CADM2: variants seen among roughly 807,000 people sequenced by gnomAD.
CADM2 encodes cell adhesion molecule 2, also known as immunoglobulin superfamily member 4D.
A neutral mutation model predicts 49.8 loss-of-function variants in CADM2; 12 were observed. That is an observed-to-expected ratio of 0.24 (90% CI 0.15 to 0.39). CADM2 has a LOEUF of 0.39. CADM2 is among the 10% of genes least tolerant of loss of function. The probability of loss-of-function intolerance (pLI) is 1.00; values close to 1 mark genes in which losing one functional copy is unlikely to be tolerated. For missense variants in CADM2, 378 were observed against 492.3 expected (o/e 0.77, Z 2.20); for synonymous variants, 214 against 175.4 (o/e 1.22, Z -1.74).
intron 1 of CADM2, among the ~76,000 whole-genome samples, chr3:85,480,137 T>C (rs1174062931): frequency 6.6e-6 from 1 of 151,808 alleles, no homozygotes; most frequent in East Asian, 1.9e-4. Context: ...CAGAGATAAA[T>C]AGGGAGATAT....
chr3:85,186,736 A>G (rs1165248393), intron 1 of CADM2, among the ~76,000 whole-genome samples: 1 of 152,014 alleles, frequency 6.6e-6, no homozygotes, highest in Non-Finnish European at 1.5e-5. Context: ...GGTTACCATG[A>G]GCCCAGAGGG....
chr3:85,647,687 A>G (rs995609890), intron 1 of CADM2, among the ~76,000 whole-genome samples: 1 of 151,846 alleles, frequency 6.6e-6, no homozygotes, highest in Non-Finnish European at 1.5e-5. Context: ...AAGACAAAAA[A>G]TATTTTAGAT....
At chr3:85,260,350 C>A (rs879306468) in intron 1 of CADM2, among the ~76,000 whole-genome samples, 5 of 152,050 alleles carry the variant, frequency 3.3e-5, no homozygotes, top group Non-Finnish European at 5.9e-5. Context: ...TTTATGACAC[C>A]ATCTTTGTCT....
At chr3:85,473,374 CT>C (rs1242654832) in intron 1 of CADM2, among the ~76,000 whole-genome samples, 1 of 151,976 alleles carries the variant, frequency 6.6e-6, no homozygotes, top group Non-Finnish European at 1.5e-5. Context: ...CTGTGTTTTG[CT>C]TGTAGATGAG....
At chr3:85,869,886 C>G (rs1458697099) in intron 3 of CADM2, among the ~76,000 whole-genome samples, 1 of 152,110 alleles carries the variant, frequency 6.6e-6, no homozygotes, top group East Asian at 1.9e-4. Context: ...CGGTATTGAT[C>G]TCCTGACCTC....
intron 1 of CADM2, among the ~76,000 whole-genome samples, chr3:85,278,300 C>A (rs2043409711): frequency 6.6e-6 from 1 of 151,314 alleles, no homozygotes; most frequent in African/African-American, 2.4e-5. Flanking sequence ...TCTCCCATTC[C>A]CAGTCCCACC....
At chr3:85,578,510 C>A (rs1465290400) in intron 1 of CADM2, among the ~76,000 whole-genome samples, 3 of 152,216 alleles carry the variant, frequency 2.0e-5, no homozygotes, top group Admixed American at 6.5e-5. Context: ...CTTTAGAGTT[C>A]TTTTGTTTAA....
At chr3:85,449,836 G>C (rs1295832388) in intron 1 of CADM2, among the ~76,000 whole-genome samples, 1 of 152,104 alleles carries the variant, frequency 6.6e-6, no homozygotes, top group Non-Finnish European at 1.5e-5. Context: ...GATGCCCATG[G>C]TCTCTCAGTG....
intron 1 of CADM2, among the ~76,000 whole-genome samples, chr3:85,309,534 G>A (rs1320099477): frequency 6.6e-6 from 1 of 152,112 alleles, no homozygotes; most frequent in Non-Finnish European, 1.5e-5. Context: ...ATTAGCACAG[G>A]ACCTGGAACA....
intron 1 of CADM2, among the ~76,000 whole-genome samples, chr3:85,475,818 C>T (rs572342569): frequency 6.6e-6 from 1 of 151,938 alleles, no homozygotes; most frequent in East Asian, 1.9e-4. Context: ...GGCACTGTTC[C>T]TAGATGTTTT....
chr3:85,283,317 A>G (rs547920653), intron 1 of CADM2, among the ~76,000 whole-genome samples: 1 of 151,870 alleles, frequency 6.6e-6, no homozygotes, highest in South Asian at 2.1e-4. Context: ...AGAAAGTTAA[A>G]ATATTGCCCT....
At chr3:85,295,370 A>G (rs1046165274) in intron 1 of CADM2, among the ~76,000 whole-genome samples, 3 of 152,070 alleles carry the variant, frequency 2.0e-5, no homozygotes, top group African/African-American at 7.2e-5. Context: ...AACCATTGTG[A>G]AAGTCAGTGT....
At position 85,487,581 on chromosome 3, in the gene CADM2, TGGA is replaced by T. The variant is rs1238714946; in HGVS notation, c.62-238933_62-238931del. ...GAGGAGGAATAGGAGGAGGAGGAAGTGGAGGAGGAGAAGGAGGAAGTGGAGGAG... is the reference window on the plus strand; with the variant it reads ...GAGGAGGAATAGGAGGAGGAGGAAGTGGAGGAGAAGGAGGAAGTGGAGGAG... On this transcript the variant is annotated intron_variant, in intron 1 of 9. Transcript: ENST00000383699. Among the ~76,000 whole-genome samples, 3 of 73,322 alleles carry T rather than the reference TGGA, an allele frequency of 4.1e-5. No individual in the cohort carries two copies. The Admixed American group carries it at 4.1e-4, about 10-fold the overall frequency. The allele number at this position is 73,322 out of a possible 152,430, so 48.1% of individuals were successfully genotyped here.
At chr3:85,435,904 T>C (rs920427898) in intron 1 of CADM2, among the ~76,000 whole-genome samples, 1 of 152,122 alleles carries the variant, frequency 6.6e-6, no homozygotes, top group East Asian at 1.9e-4. Context: ...TTAAGTTCCT[T>C]GTAGATTCTG....
At chr3:85,615,055 T>A (rs1056207370) in intron 1 of CADM2, among the ~76,000 whole-genome samples, 1 of 152,018 alleles carries the variant, frequency 6.6e-6, no homozygotes, top group African/African-American at 2.4e-5. Context: ...TAAAACTGAA[T>A]GTGCATGTGT....
chr3:85,911,518 T>C (rs1307781961), intron 5 of CADM2, among the ~76,000 whole-genome samples: 1 of 152,210 alleles, frequency 6.6e-6, no homozygotes, highest in Non-Finnish European at 1.5e-5. Flanking sequence ...AAATATATAC[T>C]TAAGTATTCA....
intron 1 of CADM2, among the ~76,000 whole-genome samples, chr3:85,023,954 A>G (rs2034614621): frequency 6.6e-6 from 1 of 152,104 alleles, no homozygotes; most frequent in South Asian, 2.1e-4. Context: ...TTATACACAC[A>G]AAGTGACATT....
chr3:85,830,104 C>G (rs77299514), intron 3 of CADM2, among the ~76,000 whole-genome samples: 1 of 151,856 alleles, frequency 6.6e-6, no homozygotes, highest in Non-Finnish European at 1.5e-5. Context: ...ACACCATTTT[C>G]CATAATGGCT....
intron 1 of CADM2, among the ~76,000 whole-genome samples, chr3:85,293,274 T>G (rs1576297492): frequency 6.6e-6 from 1 of 151,808 alleles, no homozygotes; most frequent in South Asian, 2.1e-4. Context: ...AATAACAGGA[T>G]CTGAAATTGT....
Sources: gnomAD v4.1 joint callset for allele counts (sites outside exome capture counted in the v4.1 genomes callset) on GRCh38, gnomAD v4.1.1 for gene constraint, MANE v1.5 for transcripts, NCBI Gene and HGNC (gene_info 2026-07-23, HGNC 2026-07-21) for gene names.